Variants in RAB27A observed in about 807,000 individuals in gnomAD.
RAB27A encodes RAB27A, member RAS oncogene family.
RAB27A carries 17 observed loss-of-function variants against 20.8 expected under a neutral mutation model. The ratio of observed to expected loss-of-function variants is 0.82; its 90% CI spans 0.56 to 1.23. The LOEUF (loss-of-function observed/expected upper bound fraction) is 1.23, where lower values mean the gene tolerates loss of function less well. RAB27A is among the 50% of genes most tolerant of loss of function. RAB27A has a pLI of 0.00. For missense variants in RAB27A, 277 were observed against 266.7 expected (o/e 1.04, Z -0.27); for synonymous variants, 85 against 92.8 (o/e 0.92, Z 0.48).
In RAB27A at chr15:55,274,059, A is replaced by G. The variant is rs534861031; in HGVS notation, c.-142-3775T>C. 5.3e-5 allele frequency among the ~76,000 whole-genome samples: 8 copies of G among 152,334 alleles called. No homozygotes were observed. The South Asian group carries it at 1.7e-3, about 32-fold the overall frequency. On this transcript the variant is annotated intron_variant, in intron 1 of 6. Transcript: ENST00000336787. Reference sequence around the variant, plus strand: ...ATCATATTAATTATCTTTTCTGACCACACCGATATGTAACTAGAAATCAAT... The same window carrying G: ...ATCATATTAATTATCTTTTCTGACCGCACCGATATGTAACTAGAAATCAAT...
intron 2 of RAB27A, among the ~76,000 whole-genome samples, chr15:55,241,624 A>ATATATATATATATATATATATATGTG (rs377301086): frequency 8.5e-6 from 1 of 117,666 alleles, no homozygotes; most frequent in African/African-American, 4.4e-5. Context: ...ATATATATAT[A>ATATATATATATATATATATATATGTG]TGTGTGTATA....
intron 1 of RAB27A, among the ~76,000 whole-genome samples, chr15:55,276,023 T>C (rs796584527): frequency 6.6e-6 from 1 of 151,858 alleles, no homozygotes; most frequent in African/African-American, 2.4e-5. Flanking sequence ...ACAGCCACTA[T>C]GGAAAACATT....
chr15:55,272,073 A>G (rs1237269005), intron 1 of RAB27A, among the ~76,000 whole-genome samples: 1 of 152,176 alleles, frequency 6.6e-6, no homozygotes, highest in Non-Finnish European at 1.5e-5. Context: ...AAAATTCATT[A>G]GAGTTAGCTT....
chr15:55,226,647 A>G (rs1895811130), intron 5 of RAB27A, among the ~76,000 whole-genome samples: 1 of 152,116 alleles, frequency 6.6e-6, no homozygotes, highest in African/African-American at 2.4e-5. Flanking sequence ...AGGCGCGTGG[A>G]TCACCTGAGG....
At chr15:55,212,962 T>C (rs557933856) in intron 6 of RAB27A, among the ~76,000 whole-genome samples, 1 of 152,370 alleles carries the variant, frequency 6.6e-6, no homozygotes, top group African/African-American at 2.4e-5. Context: ...ATCAGACTTC[T>C]TGTCGAAGTC....
At chr15:55,254,612 A>G (rs1266258935) in intron 2 of RAB27A, among the ~76,000 whole-genome samples, 3 of 152,208 alleles carry the variant, frequency 2.0e-5, no homozygotes, top group Non-Finnish European at 1.5e-5. Context: ...TGAGACAGGA[A>G]GGAACAGATA....
At chr15:55,235,512 G>A (rs1896220354) in intron 2 of RAB27A, among the ~76,000 whole-genome samples, 1 of 151,658 alleles carries the variant, frequency 6.6e-6, no homozygotes, top group Non-Finnish European at 1.5e-5. Context: ...GTACCATTAG[G>A]ACAAAAATTT....
At position 55,203,832 on chromosome 15, in the gene RAB27A, G is replaced by A. The variant is rs1894514195; in HGVS notation, c.*1675C>T. ...AAAAGAAGCCTTCATTTCAAGGATA[G>A]AAATATGTAAAATTTTACCAACCAT... On this transcript the variant is annotated 3_prime_UTR_variant, in exon 7 of 7. Coordinates refer to ENST00000336787, the MANE Select transcript of RAB27A (RefSeq NM_183235.3). The A allele has an allele frequency of 6.6e-6, 1 of 152,000 alleles. No homozygotes were observed. Among genetic ancestry groups the A allele is most frequent in the African/African-American group, 2.4e-5 (1 of 41,408 alleles). 9.4% of individuals were successfully genotyped at this position (152,000 alleles called of 1,614,324 possible).
chr15:55,240,401 C>T (rs1187538282), intron 2 of RAB27A, among the ~76,000 whole-genome samples: 1 of 152,132 alleles, frequency 6.6e-6, no homozygotes, highest in Non-Finnish European at 1.5e-5. Flanking sequence ...GGTCTGAAAC[C>T]TAGGTCAGAT....
At chr15:55,289,426 C>T (rs1406521032) in intron 1 of RAB27A, 1 of 152,422 alleles carries the variant, frequency 6.6e-6, no homozygotes, top group East Asian at 1.9e-4. Flanking sequence ...TGGAAAGTTT[C>T]CTACCCCTGA....
chr15:55,313,346 G>C (rs1454158067), intron 2 of RAB27A, among the ~76,000 whole-genome samples: 1 of 152,156 alleles, frequency 6.6e-6, no homozygotes, highest in Non-Finnish European at 1.5e-5. Context: ...CAAGGTTATA[G>C]CGAGCAATGA....
chr15:55,223,610 T>G (rs901551733), intron 6 of RAB27A, among the ~76,000 whole-genome samples: 1 of 152,176 alleles, frequency 6.6e-6, no homozygotes, highest in Non-Finnish European at 1.5e-5. Flanking sequence ...AAAGAAGGCC[T>G]TACATACTTA....
intron 3 of RAB27A, among the ~76,000 whole-genome samples, chr15:55,233,158 C>T (rs1052459713): frequency 2.0e-5 from 3 of 152,048 alleles, no homozygotes; most frequent in Admixed American, 6.6e-5. Context: ...TAACTGCATA[C>T]AGCAATAATT....
At chr15:55,275,993 T>G (rs1897863841) in intron 1 of RAB27A, among the ~76,000 whole-genome samples, 2 of 151,402 alleles carry the variant, frequency 1.3e-5, no homozygotes, top group South Asian at 4.2e-4. Flanking sequence ...TGTACGCTGT[T>G]GGTGGGAATA....
chr15:55,319,072 G>A, exon 1 of RAB27A: 1 of 722,206 alleles, frequency 1.4e-6, no homozygotes, highest in Non-Finnish European at 2.2e-6. Flanking sequence ...CCCTCGGTTC[G>A]GAAACGGCGA....
chr15:55,247,095 C>G (rs1367638133), intron 2 of RAB27A, among the ~76,000 whole-genome samples: 3 of 152,128 alleles, frequency 2.0e-5, no homozygotes, highest in Non-Finnish European at 4.4e-5. Context: ...CAGGATGACA[C>G]TGAGACTTCA....
intron 2 of RAB27A, among the ~76,000 whole-genome samples, chr15:55,310,005 CTTCT>C (rs1158327896): frequency 6.6e-6 from 1 of 151,984 alleles, no homozygotes; most frequent in Non-Finnish European, 1.5e-5. Context: ...CCATATTGTC[CTTCT>C]GTTACCCAGA....
rs116717906 is a variant in RAB27A, at chr15:55,273,036, A to C, written c.-142-2752T>G. Among the ~76,000 whole-genome samples the C allele has an allele frequency of 2.1e-3, 326 of 152,316 alleles. 3 individuals are homozygous for C. The highest frequency in any genetic ancestry group is 7.6e-3 in the African/African-American group (314 of 41,564). ...GAAAGAACGAACTACCAAATAGAAA[A>C]TAATGAACAAAATGGCATAGTAAGT... On this transcript the variant is annotated intron_variant, in intron 1 of 6. Coordinates refer to ENST00000336787, the MANE Select transcript of RAB27A (RefSeq NM_183235.3).
chr15:55,310,652 T>A (rs1253949485), intron 2 of RAB27A, among the ~76,000 whole-genome samples: 13 of 152,126 alleles, frequency 8.5e-5, no homozygotes, highest in Admixed American at 8.5e-4. Flanking sequence ...AGCAATGGCC[T>A]TTTTTTAAAT....
Sources: allele counts gnomAD v4.1 joint callset (sites outside exome capture counted in the v4.1 genomes callset), GRCh38; gene constraint gnomAD v4.1.1; transcripts MANE v1.5; gene names NCBI Gene and HGNC (gene_info 2026-07-23, HGNC 2026-07-21).